The following LAMA5 variants were observed in gnomAD, a reference collection of about 807,000 sequenced individuals.
The protein encoded by LAMA5 is laminin subunit alpha-5.
LAMA5 carries 260 observed loss-of-function variants against 433.4 expected under a neutral mutation model. That is an observed-to-expected ratio of 0.60 (90% CI 0.54 to 0.66). LAMA5 has a LOEUF of 0.66. Ranked by LOEUF, LAMA5 falls within the 30% of genes least tolerant of loss-of-function variation. The probability of loss-of-function intolerance (pLI) is 0.00; values close to 1 mark genes in which losing one functional copy is unlikely to be tolerated. For missense variants in LAMA5, 5,378 were observed against 5,258.5 expected (o/e 1.02, Z -0.70); for synonymous variants, 2,620 against 2,226.6 (o/e 1.18, Z -4.97).
chr20:62,333,174 G>C lies in LAMA5; in HGVS notation c.3198C>G (p.Arg1066=), dbSNP rs1980815315. The change falls in exon 26 of 80, where the codon CGC becomes CGG. Residue 1066 remains arginine, a synonymous_variant. Transcript: ENST00000252999. ...PSAAGLEALC[R]QDNSLPRPCP... ...AGGGCCGGGGCAGGCTGTTGTCCTG[G>C]CGACACAGGGCCTCCAGCCCGGCGG... 2 of 1,519,262 alleles carry C rather than the reference G, an allele frequency of 1.3e-6. No individual in the cohort carries two copies. 94.1% of individuals were successfully genotyped at this position (1,519,262 alleles called of 1,614,324 possible). A position where few individuals can be genotyped will look rare whatever the true frequency, so the allele number is the denominator to read the frequency against.
Position 62,367,105 on chromosome 20 carries a change from C to A in LAMA5, c.141G>T (p.Pro47=). Residue 47 remains proline, a synonymous_variant, in exon 1 of 80, where the codon CCG becomes CCT. Coordinates refer to ENST00000252999, the MANE Select transcript of LAMA5 (RefSeq NM_005560.6). ...EEAGGGFSLH[P]PYFNLAEGAR... is the part of the protein sequence containing the mutation. ...CGCCCTCGGCCAGGTTGAAGTAGGG[C>A]GGGTGCAGGCTGAAGCCGCCGCCCG... is the stretch of plus-strand genomic sequence containing the variant. 7.8e-7 allele frequency: 1 copy of A among 1,277,198 alleles called. No individual in the cohort carries two copies. The highest frequency in any genetic ancestry group is 2.8e-5 in the South Asian group (1 of 35,544). 79.1% of individuals were successfully genotyped at this position (1,277,198 alleles called of 1,614,324 possible).
In LAMA5 at chr20:62,325,474, C is replaced by T; in HGVS notation, c.5371G>A (p.Glu1791Lys). ...EELMMVLASL[E>K]QLQIRALFSQ... ...AAGAGGGCACGGATCTGCAGCTGCT[C>T]CAGGCTGGCCAGCACCATCATGAGC... The change falls in exon 41 of 80, where the codon GAG becomes AAG. Residue 1791 changes from glutamate (E) to lysine (K), a missense_variant. Coordinates refer to ENST00000252999, the MANE Select transcript of LAMA5 (RefSeq NM_005560.6). The T allele has an allele frequency of 6.2e-7, 1 of 1,612,880 alleles. No homozygotes were observed. Among genetic ancestry groups the T allele is most frequent in the Non-Finnish European group, 8.5e-7 (1 of 1,179,908 alleles).
intron 57 of LAMA5, 85 bp downstream of exon 57, chr20:62,316,586 G>T: frequency 9.6e-7 from 1 of 1,040,350 alleles, no homozygotes; most frequent in African/African-American, 1.6e-5. Flanking sequence ...CAAACCCCAC[G>T]TGTGCATGTG....
chr20:62,324,496 G>A lies in LAMA5; in HGVS notation c.5588C>T (p.Pro1863Leu). Residue 1863 changes from proline (P) to leucine (L), a missense_variant, in exon 42 of 80, where the codon CCT becomes CTT. Coordinates refer to ENST00000252999, the MANE Select transcript of LAMA5 (RefSeq NM_005560.6). The surrounding 1 kb of genome is among the most constrained non-coding windows in gnomAD (Gnocchi z 4.4). ...VKGLFLGRCV[P>L]CQCHGHSDRC... ...GTCTGAGTGTCCATGGCACTGACAAGGGACACATCGGCCCAGGAAGAGACC... is the reference window on the plus strand; with the variant it reads ...GTCTGAGTGTCCATGGCACTGACAAAGGACACATCGGCCCAGGAAGAGACC... The A allele has an allele frequency of 1.9e-6, 3 of 1,612,406 alleles. No homozygotes were observed. The highest frequency in any genetic ancestry group is 2.5e-6 in the Non-Finnish European group (3 of 1,179,826).
At chr20:62,361,549 CAG>C (rs902073218) in intron 2 of LAMA5, among the ~76,000 whole-genome samples, 24 of 152,234 alleles carry the variant, frequency 1.6e-4, no homozygotes, top group African/African-American at 5.1e-4. Context: ...GAGGCTCAGA[CAG>C]GGGTGAAGAC....
In LAMA5 at chr20:62,312,094, A is replaced by AG. The variant is rs759535512; in HGVS notation, c.9505-45_9505-44insC. On this transcript the variant is annotated intron_variant, in intron 69 of 79. Coordinates refer to ENST00000252999, the MANE Select transcript of LAMA5 (RefSeq NM_005560.6). ...TCAGCCGGCCGGCCTGGGGACCCAGACTCATTCCAGACACCCCAGTCCCAA... is the reference window on the plus strand; with the variant it reads ...TCAGCCGGCCGGCCTGGGGACCCAGAGCTCATTCCAGACACCCCAGTCCCAA... 3 of 1,608,976 alleles carry AG rather than the reference A, an allele frequency of 1.9e-6. No individual in the cohort carries two copies. The East Asian group carries it at 6.7e-5, about 36-fold the overall frequency.
intron 1 of LAMA5, among the ~76,000 whole-genome samples, chr20:62,364,502 G>A (rs945711328): frequency 3.3e-5 from 5 of 152,148 alleles, no homozygotes; most frequent in African/African-American, 1.2e-4. Context: ...GTCCCCATTC[G>A]GCCACTCACT....
chr20:62,358,908 C>T (rs968089147), intron 2 of LAMA5, among the ~76,000 whole-genome samples: 2 of 152,196 alleles, frequency 1.3e-5, no homozygotes, highest in African/African-American at 2.4e-5. Flanking sequence ...CCACTCTGCC[C>T]TCCCATGGGT....
intron 18 of LAMA5, among the ~76,000 whole-genome samples, chr20:62,335,949 C>A (rs1981539255): frequency 7.0e-6 from 1 of 141,966 alleles, no homozygotes; most frequent in Non-Finnish European, 1.5e-5. Flanking sequence ...AGGACACACT[C>A]ATGGGTGCCA....
Position 62,323,476 on chromosome 20 carries a change from A to G in LAMA5, c.6044T>C (p.Leu2015Pro). The G allele has an allele frequency of 6.5e-7, 1 of 1,545,514 alleles. No homozygotes were observed. The highest frequency in any genetic ancestry group is 2.4e-5 in the East Asian group (1 of 41,494). ...CCTACGGGTGCAGTTGCCGGGCAGC[A>G]GGGCGTTGCCGTAGAAGCCGGGGGC... ...ICAPGFYGNA[L>P]LPGNCTRCDC... The change falls in exon 45 of 80, where the codon CTG (leucine) becomes CCG (proline). Residue 2015 changes from leucine to proline, a missense_variant. Physicochemically the swap from Leu to Pro is moderately conservative, Grantham distance 98 (BLOSUM62 -3). Transcript: ENST00000252999.
rs200521052 is a variant in LAMA5, at chr20:62,336,723, C to T, written c.2217+11G>A. ...CACCCATCTCCCACACACGAGCAGACTTGGGCTCACCTCAGGAAGGGCAGG... is the reference window on the plus strand; with the variant it reads ...CACCCATCTCCCACACACGAGCAGATTTGGGCTCACCTCAGGAAGGGCAGG... On this transcript the variant is annotated intron_variant, in intron 17 of 79. Coordinates refer to ENST00000252999, the MANE Select transcript of LAMA5 (RefSeq NM_005560.6). The T allele has an allele frequency of 1.0e-4, 163 of 1,612,900 alleles. No individual in the cohort carries two copies. Among genetic ancestry groups the T allele is most frequent in the Non-Finnish European group, 1.3e-4 (158 of 1,179,962 alleles).
chr20:62,355,880 C>G (rs974655995), intron 2 of LAMA5, among the ~76,000 whole-genome samples: 3 of 152,108 alleles, frequency 2.0e-5, no homozygotes, highest in Non-Finnish European at 2.9e-5. Flanking sequence ...GGGGAGCTGG[C>G]AACACAGCCC....
chr20:62,356,735 A>G (rs146250230), intron 2 of LAMA5, among the ~76,000 whole-genome samples: 281 of 152,222 alleles, frequency 1.8e-3, no homozygotes, highest in African/African-American at 6.5e-3. Flanking sequence ...GCGGCCCTGG[A>G]GCGGACACTT....
intron 11 of LAMA5, among the ~76,000 whole-genome samples, chr20:62,340,452 C>T (rs6143026): frequency 0.22 from 33,806 of 151,272 alleles, 3,892 homozygotes; most frequent in African/African-American, 0.25. Flanking sequence ...GCTGGGATTA[C>T]AGGCATGCGC....
At chr20:62,335,351 A>T in intron 18 of LAMA5, 82 bp from the exon 19 acceptor site, 1 of 1,416,704 alleles carries the variant, frequency 7.1e-7, no homozygotes, top group Non-Finnish European at 9.7e-7. Flanking sequence ...CCCACACCCT[A>T]ACACCCCCTC....
chr20:62,344,621 G>A (rs1287964689), intron 11 of LAMA5, among the ~76,000 whole-genome samples: 2 of 151,932 alleles, frequency 1.3e-5, no homozygotes, highest in African/African-American at 2.4e-5. Context: ...GCTAATTTTT[G>A]TATTTTTAGT....
At chr20:62,345,687 T>C in intron 11 of LAMA5, 131 bp downstream of exon 11, 1 of 695,606 alleles carries the variant, frequency 1.4e-6, no homozygotes, top group South Asian at 1.8e-5. Context: ...TAGGCATAAT[T>C]TGCATAAAAA....
Position 62,326,077 on chromosome 20 carries a change from G to C in LAMA5, c.5299-531C>G, listed in dbSNP as rs4925374. On this transcript the variant is annotated intron_variant, in intron 40 of 79. Transcript: ENST00000252999. ...CTCTACTGAAAATACACAATTATCA[G>C]GGTGTGGTGGCGGGTGCCTATAGTC... is the stretch of plus-strand genomic sequence containing the variant. Among the ~76,000 whole-genome samples the C allele has an allele frequency of 3.9e-3, 595 of 152,184 alleles. 5 individuals are homozygous for C. Among genetic ancestry groups the C allele is most frequent in the Non-Finnish European group, 5.2e-3 (354 of 68,002 alleles).
chr20:62,315,941 C>A lies in LAMA5; in HGVS notation c.7867+7G>T. The A allele has an allele frequency of 6.3e-7, 1 of 1,583,622 alleles. No homozygotes were observed. Among genetic ancestry groups the A allele is most frequent in the Non-Finnish European group, 8.6e-7 (1 of 1,167,750 alleles). On this transcript the variant is annotated splice_region_variant and intron_variant, in intron 58 of 79. Coordinates refer to ENST00000252999, the MANE Select transcript of LAMA5 (RefSeq NM_005560.6). ...GGCTGCGAGAGCCGGGCCCAGGCTC[C>A]GCATACCTGTGTCCATGGCAAGCAT...
Sources: gnomAD v4.1 joint callset for allele counts (sites outside exome capture counted in the v4.1 genomes callset) on GRCh38, gnomAD v4.1.1 for gene constraint, Gnocchi (gnomAD v3.1) non-coding constraint, MANE v1.5 for transcripts, NCBI Gene and HGNC (gene_info 2026-07-23, HGNC 2026-07-21) for gene names.